Variants in SGSM1 observed in about 807,000 individuals in gnomAD.
The protein encoded by SGSM1 is small G protein signaling modulator 1.
SGSM1 carries 73 observed loss-of-function variants against 133.8 expected under a neutral mutation model. That is an observed-to-expected ratio of 0.55 (90% CI 0.45 to 0.66). The LOEUF (loss-of-function observed/expected upper bound fraction) is 0.66, where lower values mean the gene tolerates loss of function less well. SGSM1 is among the 30% of genes least tolerant of loss of function. SGSM1 has a pLI of 0.00. For missense variants in SGSM1, 1,213 were observed against 1,448.1 expected (o/e 0.84, Z 2.64); for synonymous variants, 563 against 573.0 (o/e 0.98, Z 0.25).
At position 24,893,422 on chromosome 22, in the gene SGSM1, C is replaced by G; in HGVS notation, c.1771-9C>G. 6.2e-7 allele frequency: 1 copy of G among 1,613,102 alleles called. No homozygotes were observed. The highest frequency in any genetic ancestry group is 8.5e-7 in the Non-Finnish European group (1 of 1,179,516). The stretch of plus-strand genomic sequence containing the variant: ...GACACCTCGGGTGACATTGCATCTG[C>G]CCTGGCAGGTGGACGAGCAGATTCA... On this transcript the variant is annotated splice_polypyrimidine_tract_variant and intron_variant, in intron 16 of 24. Coordinates refer to ENST00000400358, the MANE Select transcript of SGSM1 (RefSeq NM_001098497.3).
chr22:24,875,703 G>A (rs1159569163), intron 12 of SGSM1, among the ~76,000 whole-genome samples: 1 of 152,044 alleles, frequency 6.6e-6, no homozygotes, highest in Non-Finnish European at 1.5e-5. Flanking sequence ...ACCTGTCTAG[G>A]ACTACCAAGA....
rs554242820 is a variant in SGSM1 at position 24,827,445 on chromosome 22, G to T, written c.64-17452G>T. ...TGGTTGCAGGGTGTGGCTGGACGTGGTGGGGCAGGTGCTCAGAGGCCTGAC... is the reference window on the plus strand; with the variant it reads ...TGGTTGCAGGGTGTGGCTGGACGTGTTGGGGCAGGTGCTCAGAGGCCTGAC... On this transcript the variant is annotated intron_variant, in intron 2 of 24. Transcript: ENST00000400358. Among the ~76,000 whole-genome samples, 3 of 152,164 alleles carry T rather than the reference G, an allele frequency of 2.0e-5. No homozygotes were observed. The South Asian group carries it at 6.2e-4, about 32-fold the overall frequency.
At chr22:24,857,532 A>G (rs188767174) in intron 8 of SGSM1, among the ~76,000 whole-genome samples, 95 of 151,960 alleles carry the variant, frequency 6.3e-4, no homozygotes, top group Non-Finnish European at 1.2e-3. Flanking sequence ...ACTTACGTGG[A>G]TGTAGTTTTG....
rs181278609 is a variant in SGSM1, at chr22:24,834,033, G to A, written c.64-10864G>A. Among the ~76,000 whole-genome samples the A allele has an allele frequency of 3.5e-3, 535 of 152,306 alleles. 3 individuals carry two copies. Among genetic ancestry groups the A allele is most frequent in the African/African-American group, 0.012 (497 of 41,584 alleles). ...TCCTTTTGTGGAGAGAACAGATGGG[G>A]CCCAGTAGCCTCTGCTCACTATGAG... On this transcript the variant is annotated intron_variant, in intron 2 of 24. Transcript: ENST00000400358.
intron 14 of SGSM1, among the ~76,000 whole-genome samples, chr22:24,881,212 A>T (rs1332020099): frequency 7.3e-6 from 1 of 137,636 alleles, no homozygotes; most frequent in East Asian, 2.2e-4. Context: ...AAAAAAAAAA[A>T]GATGGAGATA....
intron 2 of SGSM1, among the ~76,000 whole-genome samples, chr22:24,837,985 T>A (rs1270318382): frequency 6.6e-6 from 1 of 152,260 alleles, no homozygotes; most frequent in Non-Finnish European, 1.5e-5. Flanking sequence ...CCTCTGTCTC[T>A]TGCCTCGGTG....
chr22:24,884,305 C>T, intron 15 of SGSM1, 107 bp downstream of exon 15: 1 of 1,412,284 alleles, frequency 7.1e-7, no homozygotes, highest in Non-Finnish European at 9.5e-7. Context: ...AGCTGACGTG[C>T]TTGGATTCTG....
intron 17 of SGSM1, among the ~76,000 whole-genome samples, chr22:24,893,894 G>A (rs1302331372): frequency 4.6e-5 from 7 of 152,204 alleles, no homozygotes; most frequent in Non-Finnish European, 7.3e-5. Flanking sequence ...GAGGAGGTTC[G>A]TGTACAGTCC....
At chr22:24,851,907 C>T (rs181578349) in intron 5 of SGSM1, among the ~76,000 whole-genome samples, 15 of 152,286 alleles carry the variant, frequency 9.8e-5, no homozygotes, top group Admixed American at 9.8e-4. Context: ...TCTCCAGTTC[C>T]CTATTTACCT....
chr22:24,907,087 C>T (rs960675011), intron 21 of SGSM1, among the ~76,000 whole-genome samples: 1 of 151,522 alleles, frequency 6.6e-6, no homozygotes, highest in Non-Finnish European at 1.5e-5. Flanking sequence ...TGGTGAAACC[C>T]TGTCTCTACT....
chr22:24,831,837 C>T (rs1007071423), intron 2 of SGSM1, among the ~76,000 whole-genome samples: 3 of 152,192 alleles, frequency 2.0e-5, no homozygotes, highest in East Asian at 1.9e-4. Context: ...CCCAACCTAG[C>T]GTGCACTGAA....
intron 22 of SGSM1, among the ~76,000 whole-genome samples, chr22:24,916,681 G>T (rs1180947014): frequency 6.6e-6 from 1 of 151,832 alleles, no homozygotes; most frequent in Non-Finnish European, 1.5e-5. Context: ...CTGGGCAATA[G>T]AGTGAGACTC....
chr22:24,852,354 A>G (rs760520357), intron 5 of SGSM1, among the ~76,000 whole-genome samples: 1 of 152,214 alleles, frequency 6.6e-6, no homozygotes, highest in Non-Finnish European at 1.5e-5. Flanking sequence ...ATACAGAATT[A>G]TTCCGAAATA....
At chr22:24,908,135 C>T (rs914137275) in intron 21 of SGSM1, among the ~76,000 whole-genome samples, 1 of 151,746 alleles carries the variant, frequency 6.6e-6, no homozygotes, top group Non-Finnish European at 1.5e-5. Flanking sequence ...GTCTTCTCAA[C>T]TTATGGTGCA....
chr22:24,850,541 A>G, intron 5 of SGSM1, 109 bp downstream of exon 5: 1 of 1,436,418 alleles, frequency 7.0e-7, no homozygotes, highest in Non-Finnish European at 9.3e-7. Context: ...CTTGACAGCC[A>G]CTAAATTTGA....
intron 2 of SGSM1, among the ~76,000 whole-genome samples, chr22:24,837,315 CAG>C (rs1222583194): frequency 1.3e-5 from 2 of 152,178 alleles, no homozygotes; most frequent in Admixed American, 1.3e-4. Context: ...AGAGAGGAGA[CAG>C]AGAGAAAGAC....
At chr22:24,847,529 T>G in intron 3 of SGSM1, 105 bp from the exon 4 acceptor site, 2 of 1,391,682 alleles carry the variant, frequency 1.4e-6, no homozygotes, top group Non-Finnish European at 1.9e-6. Flanking sequence ...GTAAGAAGAT[T>G]GAGAGGGCTC....
At chr22:24,891,803 G>C (rs1932818769) in intron 16 of SGSM1, among the ~76,000 whole-genome samples, 1 of 152,166 alleles carries the variant, frequency 6.6e-6, no homozygotes, top group Non-Finnish European at 1.5e-5. Flanking sequence ...GGAGGAGCTG[G>C]TTGTTCGTAA....
chr22:24,879,432 C>G (rs1390993176), intron 13 of SGSM1, 30 bp from the exon 14 acceptor site: 1 of 1,610,702 alleles, frequency 6.2e-7, no homozygotes, highest in Non-Finnish European at 8.5e-7. Context: ...TGGATCTATT[C>G]TAAGCATCTC....
Sources: allele counts gnomAD v4.1 joint callset (sites outside exome capture counted in the v4.1 genomes callset), GRCh38; gene constraint gnomAD v4.1.1; transcripts MANE v1.5; gene names NCBI Gene and HGNC (gene_info 2026-07-23, HGNC 2026-07-21).